Variants in PPARA observed in about 807,000 individuals in gnomAD.
PPARA encodes the protein peroxisome proliferator activated receptor alpha, also known as peroxisome proliferator-activated receptor alpha.
A neutral mutation model predicts 42.2 loss-of-function variants in PPARA; 22 were observed. The observed-to-expected ratio is 0.52, with a 90% CI of 0.37 to 0.74. The LOEUF (loss-of-function observed/expected upper bound fraction) is 0.74. PPARA is among the 30% of genes least tolerant of loss of function. The pLI is 0.00. For synonymous variants in PPARA, 242 were observed against 239.3 expected (o/e 1.01, Z -0.10); for missense variants, 465 against 608.2 (o/e 0.76, Z 2.48).
intron 1 of PPARA, chr22:46,151,263 T>C (rs1218184937): frequency 3.3e-5 from 5 of 152,220 alleles, no homozygotes; most frequent in African/African-American, 1.2e-4. Flanking sequence ...CGGTTCCCAC[T>C]TTGTGCCCCA....
chr22:46,207,655 T>G (rs1933470039), intron 4 of PPARA, among the ~76,000 whole-genome samples: 2 of 111,292 alleles, frequency 1.8e-5, no homozygotes. Context: ...TTATTATTAT[T>G]ATTATTATTA....
At chr22:46,207,440 C>T (rs2147470556) in intron 4 of PPARA, among the ~76,000 whole-genome samples, 1 of 149,922 alleles carries the variant, frequency 6.7e-6, no homozygotes, top group Admixed American at 6.7e-5. Flanking sequence ...CACCACCACA[C>T]CCGGCTAATT....
chr22:46,232,654 T>TA lies in PPARA; in HGVS notation c.1159+424dup, dbSNP rs571695099. 4.0e-4 allele frequency among the ~76,000 whole-genome samples: 60 copies of TA among 149,242 alleles called. No homozygotes were observed. The highest frequency in any genetic ancestry group is 7.1e-4 in the Non-Finnish European group (48 of 67,322). On this transcript the variant is annotated intron_variant, in intron 8 of 8. Coordinates refer to ENST00000407236, the MANE Select transcript of PPARA (RefSeq NM_005036.6). This position sits in a 1 kb window ranked among gnomAD's most constrained non-coding sequence, Gnocchi z 5.3. ...GGCAACAGAACAAGACCTATTTCTTTAAAAAAAAATTATATATTTTGCACA... is the reference window on the plus strand; with the variant it reads ...GGCAACAGAACAAGACCTATTTCTTTAAAAAAAAAATTATATATTTTGCACA...
chr22:46,229,457 G>A (rs1935716275), intron 7 of PPARA, among the ~76,000 whole-genome samples: 2 of 152,116 alleles, frequency 1.3e-5, no homozygotes, highest in African/African-American at 4.8e-5. Flanking sequence ...GGAGGCTGAG[G>A]CAGGAGAATT....
At chr22:46,202,889 G>A in intron 4 of PPARA, among the ~76,000 whole-genome samples, 1 of 151,700 alleles carries the variant, frequency 6.6e-6, no homozygotes, top group African/African-American at 2.4e-5. Flanking sequence ...TAAATAGCGA[G>A]GGTTCAGGGC....
chr22:46,241,140 T>C lies in PPARA; in HGVS notation c.*5760T>C, dbSNP rs10427717. Reference sequence around the variant, plus strand: ...GAGTCCATGGCCTTTGCCCAGGGCATGTACTCCCCTGAGAGGCCTTCTGCC... The same window carrying C: ...GAGTCCATGGCCTTTGCCCAGGGCACGTACTCCCCTGAGAGGCCTTCTGCC... On this transcript the variant is annotated 3_prime_UTR_variant, in exon 9 of 9. Coordinates refer to ENST00000407236, the MANE Select transcript of PPARA (RefSeq NM_005036.6). The surrounding 1 kb of genome is among the most constrained non-coding windows in gnomAD (Gnocchi z 5.7). 1,782 of 152,380 alleles carry C rather than the reference T, an allele frequency of 0.012. 26 individuals carry two copies. The highest frequency in any genetic ancestry group is 0.037 in the Middle Eastern group (11 of 294). The allele number at this position is 152,380 out of a possible 1,614,324, so 9.4% of individuals were successfully genotyped here. A position where few individuals can be genotyped will look rare whatever the true frequency, so the allele number is the denominator to read the frequency against.
rs1934500401 is a variant in PPARA, at chr22:46,216,423, A to G, written c.369+1090A>G. 1.3e-5 allele frequency among the ~76,000 whole-genome samples: 2 copies of G among 152,020 alleles called. No individual in the cohort carries two copies. The highest frequency in any genetic ancestry group is 2.4e-5 in the African/African-American group (1 of 41,400). ...GAGAGAAAAGAAAATAAGCCACATT[A>G]AGAACATCACTTCATTCGAATACAA... On this transcript the variant is annotated intron_variant, in intron 5 of 8. Coordinates refer to ENST00000407236, the MANE Select transcript of PPARA (RefSeq NM_005036.6). The surrounding 1 kb of genome is among the most constrained non-coding windows in gnomAD (Gnocchi z 4.5).
At chr22:46,197,315 G>T (rs550572251) in intron 3 of PPARA, among the ~76,000 whole-genome samples, 14 of 152,178 alleles carry the variant, frequency 9.2e-5, no homozygotes, top group African/African-American at 3.4e-4. Context: ...CTCCCAAAGT[G>T]CTGGGATTAC....
At chr22:46,174,594 A>G (rs1928725233) in intron 2 of PPARA, among the ~76,000 whole-genome samples, 1 of 152,062 alleles carries the variant, frequency 6.6e-6, no homozygotes, top group African/African-American at 2.4e-5. Context: ...AGGTGGGAGG[A>G]TCACCTGAGC....
At position 46,190,426 on chromosome 22, in the gene PPARA, G is replaced by A. The variant is rs1332645488; in HGVS notation, c.-42-7916G>A. Reference sequence around the variant, plus strand: ...GCAGTCAAAAAAGTGAAAGTCTAACGTTCGTAATTATTGTTCTGGAGGCTT... The same window carrying A: ...GCAGTCAAAAAAGTGAAAGTCTAACATTCGTAATTATTGTTCTGGAGGCTT... On this transcript the variant is annotated intron_variant, in intron 3 of 8. Coordinates refer to ENST00000407236, the MANE Select transcript of PPARA (RefSeq NM_005036.6). The surrounding 1 kb of genome is among the most constrained non-coding windows in gnomAD (Gnocchi z 5.6). Among the ~76,000 whole-genome samples, 11 of 152,292 alleles carry A rather than the reference G, an allele frequency of 7.2e-5. No homozygotes were observed. Among genetic ancestry groups the A allele is most frequent in the Non-Finnish European group, 4.4e-5 (3 of 68,022 alleles).
At chr22:46,174,356 G>A (rs575228500) in intron 2 of PPARA, among the ~76,000 whole-genome samples, 1 of 151,568 alleles carries the variant, frequency 6.6e-6, no homozygotes, top group South Asian at 2.1e-4. Context: ...TCTGTTTTGG[G>A]GGTGCAACTT....
At chr22:46,164,411 C>T (rs1319580729) in intron 2 of PPARA, 3 of 152,180 alleles carry the variant, frequency 2.0e-5, no homozygotes, top group Non-Finnish European at 4.4e-5. Flanking sequence ...CACCACCATG[C>T]CTTGCTAATT....
rs1875018154 is a variant in PPARA, at chr22:46,196,308, G to T, written c.-42-2034G>T. On this transcript the variant is annotated intron_variant, in intron 3 of 8. Transcript: ENST00000407236. This position sits in a 1 kb window ranked among gnomAD's most constrained non-coding sequence, Gnocchi z 5.6. ...GGACTCACCCAGTTAGATTTGTTTG[G>T]ACTCCACAAAGTATTCTTGACCATA... 6.6e-6 allele frequency among the ~76,000 whole-genome samples: 1 copy of T among 152,130 alleles called. No individual in the cohort carries two copies. Among genetic ancestry groups the T allele is most frequent in the Non-Finnish European group, 1.5e-5 (1 of 68,028 alleles).
In PPARA at chr22:46,230,189, T is replaced by C. The variant is rs1935770026; in HGVS notation, c.712-1603T>C. 6.6e-6 allele frequency among the ~76,000 whole-genome samples: 1 copy of C among 152,090 alleles called. No individual in the cohort carries two copies. The highest frequency in any genetic ancestry group is 2.4e-5 in the African/African-American group (1 of 41,408). On this transcript the variant is annotated intron_variant, in intron 7 of 8. Coordinates refer to ENST00000407236, the MANE Select transcript of PPARA (RefSeq NM_005036.6). The surrounding 1 kb of genome is among the most constrained non-coding windows in gnomAD (Gnocchi z 5.0). ...GAGTGCGACACCAGCCTGACCAACA[T>C]GGTGTAACCCCGTCTCTACTAAAAA...
chr22:46,236,182 G>A lies in PPARA; in HGVS notation c.*802G>A, dbSNP rs889479580. 4 of 152,808 alleles carry A rather than the reference G, an allele frequency of 2.6e-5. No individual in the cohort carries two copies. The highest frequency in any genetic ancestry group is 4.4e-5 in the Non-Finnish European group (3 of 68,276). The allele number at this position is 152,808 out of a possible 1,614,324, so 9.5% of individuals were successfully genotyped here. Reference sequence around the variant, plus strand: ...GAATTGCTTGAACCAGGGAGTTGGAGGTTGCAGTGAGCTAAGACTGCACCA... The same window carrying A: ...GAATTGCTTGAACCAGGGAGTTGGAAGTTGCAGTGAGCTAAGACTGCACCA... On this transcript the variant is annotated 3_prime_UTR_variant, in exon 9 of 9. Coordinates refer to ENST00000407236, the MANE Select transcript of PPARA (RefSeq NM_005036.6). The surrounding 1 kb of genome is among the most constrained non-coding windows in gnomAD (Gnocchi z 5.2).
At position 46,225,421 on chromosome 22, in the gene PPARA, A is replaced by G. The variant is rs1935340547; in HGVS notation, c.711+5407A>G. 6.6e-6 allele frequency among the ~76,000 whole-genome samples: 1 copy of G among 152,138 alleles called. No homozygotes were observed. ...CAGGGGTTGAGAATGTCGTCAGAAG[A>G]CTTTGGAGGAAGCAACAGAAAATGA... On this transcript the variant is annotated intron_variant, in intron 7 of 8. Transcript: ENST00000407236. The surrounding 1 kb of genome is among the most constrained non-coding windows in gnomAD (Gnocchi z 4.1).
chr22:46,175,639 G>A (rs891510440), intron 2 of PPARA, among the ~76,000 whole-genome samples: 16 of 151,920 alleles, frequency 1.1e-4, no homozygotes, highest in Middle Eastern at 3.4e-3. Context: ...GTGTGGACCC[G>A]GGAGACGGAG....
At chr22:46,166,092 CTG>C (rs1378409892) in intron 2 of PPARA, among the ~76,000 whole-genome samples, 1 of 152,222 alleles carries the variant, frequency 6.6e-6, no homozygotes, top group African/African-American at 2.4e-5. Flanking sequence ...GGTATATACA[CTG>C]TGAGTGCTGT....
rs958764510 is a variant in PPARA, at chr22:46,212,719, T to A, written c.209-2454T>A. On this transcript the variant is annotated intron_variant, in intron 4 of 8. Transcript: ENST00000407236. The surrounding 1 kb of genome is among the most constrained non-coding windows in gnomAD (Gnocchi z 4.2). ...TTTTGGCAATTAATAAAGCTGGCCATGCACAGTGGCTCACACCTGTAATCC... is the reference window on the plus strand; with the variant it reads ...TTTTGGCAATTAATAAAGCTGGCCAAGCACAGTGGCTCACACCTGTAATCC... Among the ~76,000 whole-genome samples, 3 of 152,076 alleles carry A rather than the reference T, an allele frequency of 2.0e-5. No individual in the cohort carries two copies. Among genetic ancestry groups the A allele is most frequent in the Non-Finnish European group, 4.4e-5 (3 of 67,982 alleles).
Sources: allele counts gnomAD v4.1 joint callset (sites outside exome capture counted in the v4.1 genomes callset), GRCh38; gene constraint gnomAD v4.1.1; non-coding constraint Gnocchi (gnomAD v3.1); transcripts MANE v1.5; gene names NCBI Gene and HGNC (gene_info 2026-07-23, HGNC 2026-07-21).